Variants in H6PD observed in about 807,000 individuals in gnomAD.
The protein encoded by H6PD is GDH/6PGL endoplasmic bifunctional protein.
A neutral mutation model predicts 61.2 loss-of-function variants in H6PD; 48 were observed. The ratio of observed to expected loss-of-function variants is 0.78; its 90% CI spans 0.62 to 1.00. H6PD has a LOEUF of 1.00. H6PD is among the 50% of genes least tolerant of loss of function. The pLI is 0.00. For synonymous variants in H6PD, 480 were observed against 457.9 expected (o/e 1.05, Z -0.62); for missense variants, 1,093 against 1,065.0 (o/e 1.03, Z -0.37).
chr1:9,247,424 G>T (rs992716790), intron 3 of H6PD, among the ~76,000 whole-genome samples: 1 of 152,290 alleles, frequency 6.6e-6, no homozygotes, highest in East Asian at 1.9e-4. Flanking sequence ...CCCGACTGTG[G>T]TGCTTGCAGC....
At chr1:9,242,849 G>A (rs1641039286) in intron 1 of H6PD, 1 of 985,326 alleles carries the variant, frequency 1.0e-6, no homozygotes, top group Non-Finnish European at 1.2e-6. Flanking sequence ...CCTCTCTCCT[G>A]CACTGACCTT....
At position 9,245,642 on chromosome 1, in the gene H6PD, G is replaced by A; in HGVS notation, c.627+81G>A. 3 of 1,382,232 alleles carry A rather than the reference G, an allele frequency of 2.2e-6. No homozygotes were observed. The highest frequency in any genetic ancestry group is 3.1e-6 in the Non-Finnish European group (3 of 978,464). The allele number at this position is 1,382,232 out of a possible 1,614,324, so 85.6% of individuals were successfully genotyped here. ...CCAGCAACAAAGCCGCTCGCTCATT[G>A]TGGAGCTAGGCCCCAAGGCATTGTG... On this transcript the variant is annotated intron_variant, in intron 2 of 4. Coordinates refer to ENST00000377403, the MANE Select transcript of H6PD (RefSeq NM_004285.4). The surrounding 1 kb of genome is among the most constrained non-coding windows in gnomAD (Gnocchi z 4.8).
rs371242953 is a variant in H6PD, at chr1:9,264,307, C to T, written c.1814C>T (p.Ala605Val). The change falls in exon 5 of 5, where the codon GCG (alanine) becomes GTG (valine). Residue 605 changes from alanine to valine, a missense_variant. Physicochemically the swap from Ala to Val is moderately conservative, Grantham distance 64 (BLOSUM62 0). Coordinates refer to ENST00000377403, the MANE Select transcript of H6PD (RefSeq NM_004285.4). ...GCCCTGTTCCAGCAGCTGGCCACGG[C>T]GCACTATGGCTTCCCCTGGGCCCAC... ...PVALFQQLATAHYGFPWAHTH... is the reference protein window; with the variant it reads ...PVALFQQLATVHYGFPWAHTH... 5.9e-5 allele frequency: 95 copies of T among 1,611,172 alleles called. No individual in the cohort carries two copies. Among genetic ancestry groups the T allele is most frequent in the Middle Eastern group, 3.3e-4 (2 of 6,084 alleles).
At position 9,263,548 on chromosome 1, in the gene H6PD, T is replaced by C. The variant is rs1557750526; in HGVS notation, c.1055T>C (p.Val352Ala). ...VHIDNLRWEGVPFILMSGKAL... is the reference protein window; with the variant it reads ...VHIDNLRWEGAPFILMSGKAL... ...ATTGACAACCTTCGCTGGGAGGGCG[T>C]GCCTTTCATCCTGATGTCTGGCAAA... Residue 352 changes from valine (V) to alanine (A), a missense_variant, in exon 5 of 5, where the codon GTG becomes GCG. By Grantham distance (64) the Val-to-Ala change is moderately conservative. Coordinates refer to ENST00000377403, the MANE Select transcript of H6PD (RefSeq NM_004285.4). The C allele has an allele frequency of 9.9e-6, 16 of 1,614,192 alleles. No homozygotes were observed. Among genetic ancestry groups the C allele is most frequent in the Non-Finnish European group, 1.4e-5 (16 of 1,180,012 alleles).
At chr1:9,237,460 C>T (rs996468432) in intron 1 of H6PD, among the ~76,000 whole-genome samples, 3 of 151,740 alleles carry the variant, frequency 2.0e-5, no homozygotes, top group Non-Finnish European at 4.4e-5. Context: ...TTTAAACTCC[C>T]GACCTCCAAT....
chr1:9,256,665 T>C (rs1036988319), intron 3 of H6PD, among the ~76,000 whole-genome samples: 1 of 152,148 alleles, frequency 6.6e-6, no homozygotes, highest in African/African-American at 2.4e-5. Context: ...TTTTTGTCTG[T>C]TGGAATTAAA....
chr1:9,236,197 T>C (rs909334133), intron 1 of H6PD, among the ~76,000 whole-genome samples: 11 of 152,106 alleles, frequency 7.2e-5, no homozygotes, highest in African/African-American at 2.4e-4. Context: ...CACTATGTTA[T>C]CCAGGCTTGT....
In H6PD at chr1:9,268,621, T is replaced by G. The variant is rs894520308; in HGVS notation, c.*3752T>G. On this transcript the variant is annotated 3_prime_UTR_variant, in exon 5 of 5. Transcript: ENST00000377403. The stretch of plus-strand genomic sequence containing the variant: ...TTCTCCTGCTAACTGCAAGTTAAAA[T>G]AGGCCCTTCTTACTGAATTTCCCTG... The G allele has an allele frequency of 2.0e-5, 3 of 152,246 alleles. No homozygotes were observed. Among genetic ancestry groups the G allele is most frequent in the Non-Finnish European group, 4.4e-5 (3 of 68,034 alleles). 9.4% of individuals were successfully genotyped at this position (152,246 alleles called of 1,614,324 possible).
intron 1 of H6PD, among the ~76,000 whole-genome samples, chr1:9,238,010 T>C (rs1640898526): frequency 6.6e-6 from 1 of 152,178 alleles, no homozygotes. Flanking sequence ...GTAATTATCA[T>C]ACAGTATATT....
chr1:9,249,282 C>A (rs962115230), intron 3 of H6PD, among the ~76,000 whole-genome samples: 2 of 152,218 alleles, frequency 1.3e-5, no homozygotes, highest in Non-Finnish European at 2.9e-5. Context: ...CCCATGGAGC[C>A]AGGGACCAGG....
At chr1:9,242,334 G>C (rs1451838956) in intron 1 of H6PD, among the ~76,000 whole-genome samples, 1 of 146,820 alleles carries the variant, frequency 6.8e-6, no homozygotes. Flanking sequence ...CACTGTAAAG[G>C]TTAAAAAAAC....
intron 3 of H6PD, among the ~76,000 whole-genome samples, chr1:9,255,581 C>T (rs748070749): frequency 9.9e-5 from 15 of 152,160 alleles, no homozygotes; most frequent in Non-Finnish European, 2.1e-4. Context: ...TGTGCCAGGC[C>T]TTAGGTCCCT....
chr1:9,237,943 C>A (rs1640896908), intron 1 of H6PD, among the ~76,000 whole-genome samples: 2 of 152,176 alleles, frequency 1.3e-5, no homozygotes, highest in African/African-American at 4.8e-5. Context: ...AAGTCCCTGT[C>A]CTCATTGGCA....
chr1:9,262,916 AC>A (rs1638376103), intron 4 of H6PD, among the ~76,000 whole-genome samples: 1 of 152,190 alleles, frequency 6.6e-6, no homozygotes, highest in Admixed American at 6.5e-5. Context: ...AGGTGAGGAA[AC>A]GTAAGGCTCG....
chr1:9,260,483 T>C (rs1285806207), intron 3 of H6PD, among the ~76,000 whole-genome samples: 1 of 152,136 alleles, frequency 6.6e-6, no homozygotes, highest in Non-Finnish European at 1.5e-5. Context: ...GTTATGTTGC[T>C]GTTACGCCAG....
chr1:9,252,019 C>CCT (rs1187028873), intron 3 of H6PD, among the ~76,000 whole-genome samples: 1 of 151,850 alleles, frequency 6.6e-6, no homozygotes, highest in East Asian at 1.9e-4. Flanking sequence ...AGCCCCGGCA[C>CCT]CTCTCTCTCT....
intron 1 of H6PD, among the ~76,000 whole-genome samples, chr1:9,238,553 G>T (rs1343817103): frequency 6.6e-6 from 1 of 152,174 alleles, no homozygotes; most frequent in African/African-American, 2.4e-5. Context: ...TACAGGATTT[G>T]CTGACAGATA....
At position 9,263,427 on chromosome 1, in the gene H6PD, G is replaced by A. The variant is rs1256651071; in HGVS notation, c.1016-82G>A. On this transcript the variant is annotated intron_variant, in intron 4 of 4. Coordinates refer to ENST00000377403, the MANE Select transcript of H6PD (RefSeq NM_004285.4). ...CCCTGAGGCAGGGGGACGCCCAGAG[G>A]AGCCGGCAAGGAGAGGAGAGGGCTG... 8.7e-6 allele frequency: 12 copies of A among 1,377,144 alleles called. No homozygotes were observed. The African/African-American group carries it at 1.6e-4, about 18-fold the overall frequency. The allele number at this position is 1,377,144 out of a possible 1,614,324, so 85.3% of individuals were successfully genotyped here.
At chr1:9,251,436 C>CTGCTGT (rs1641358074) in intron 3 of H6PD, among the ~76,000 whole-genome samples, 1 of 151,136 alleles carries the variant, frequency 6.6e-6, no homozygotes. Flanking sequence ...AGAAGGCCTG[C>CTGCTGT]TGTTGTTGTT....
Sources: gnomAD v4.1 joint callset for allele counts (sites outside exome capture counted in the v4.1 genomes callset) on GRCh38, gnomAD v4.1.1 for gene constraint, Gnocchi (gnomAD v3.1) non-coding constraint, MANE v1.5 for transcripts, NCBI Gene and HGNC (gene_info 2026-07-23, HGNC 2026-07-21) for gene names.